MACROD2: variants seen among roughly 807,000 people sequenced by gnomAD.
MACROD2 encodes ADP-ribose glycohydrolase MACROD2.
MACROD2 carries 36 observed loss-of-function variants against 70.4 expected under a neutral mutation model. The observed-to-expected ratio is 0.51, with a 90% CI of 0.39 to 0.68. MACROD2 has a LOEUF of 0.68. Among genes scored for constraint, MACROD2 ranks in the 30% least tolerant of loss-of-function variants. The pLI, the probability that MACROD2 is intolerant of heterozygous loss-of-function variation, is 0.00. For missense variants in MACROD2, 496 were observed against 538.4 expected, an observed-to-expected ratio of 0.92 and a Z score of 0.78; for synonymous variants, 172 against 178.8, an observed-to-expected ratio of 0.96 and a Z score of 0.30.
At chr20:15,730,018 G>C (rs113116901) in intron 8 of MACROD2, among the ~76,000 whole-genome samples, 6 of 151,902 alleles carry the variant, frequency 3.9e-5, no homozygotes, top group African/African-American at 1.4e-4. Flanking sequence ...AGTAGAGATG[G>C]GGTTTCACCA....
intron 5 of MACROD2, among the ~76,000 whole-genome samples, chr20:15,033,244 A>G (rs1437748482): frequency 6.6e-6 from 1 of 152,222 alleles, no homozygotes; most frequent in East Asian, 1.9e-4. Context: ...ATATTTTACC[A>G]CAATTAAAAA....
At chr20:14,724,250 G>A (rs2071502855) in intron 5 of MACROD2, among the ~76,000 whole-genome samples, 1 of 152,036 alleles carries the variant, frequency 6.6e-6, no homozygotes, top group African/African-American at 2.4e-5. Context: ...TCTGGGGTAA[G>A]ACTGATTTGA....
At chr20:15,842,891 T>C (rs2064189510) in intron 8 of MACROD2, among the ~76,000 whole-genome samples, 1 of 152,192 alleles carries the variant, frequency 6.6e-6, no homozygotes, top group South Asian at 2.1e-4. Context: ...GTTGATAAGC[T>C]AGGTGATTAA....
At chr20:14,054,651 G>T (rs2053612503) in intron 2 of MACROD2, among the ~76,000 whole-genome samples, 2 of 152,250 alleles carry the variant, frequency 1.3e-5, no homozygotes, top group South Asian at 4.1e-4. Context: ...CTGGATGCAA[G>T]AAATTAGTGT....
chr20:15,091,144 A>G (rs1169313848), intron 5 of MACROD2, among the ~76,000 whole-genome samples: 2 of 152,092 alleles, frequency 1.3e-5, no homozygotes, highest in African/African-American at 4.8e-5. Flanking sequence ...AGTTATCTAC[A>G]GTACTAACAC....
At chr20:14,570,346 T>A (rs771092928) in intron 4 of MACROD2, among the ~76,000 whole-genome samples, 2 of 151,970 alleles carry the variant, frequency 1.3e-5, no homozygotes, top group Non-Finnish European at 2.9e-5. Context: ...GCATTATTGT[T>A]GGAGGGTGAG....
At chr20:14,838,160 G>T (rs1487698294) in intron 5 of MACROD2, among the ~76,000 whole-genome samples, 4 of 152,032 alleles carry the variant, frequency 2.6e-5, no homozygotes, top group Non-Finnish European at 4.4e-5. Context: ...GTGTATGTGG[G>T]TGTGTAATCA....
At chr20:15,895,164 A>G (rs548885345) in intron 10 of MACROD2, among the ~76,000 whole-genome samples, 1 of 152,186 alleles carries the variant, frequency 6.6e-6, no homozygotes, top group South Asian at 2.1e-4. Context: ...CTTCCAAGTT[A>G]CTCCTTCCAA....
At chr20:14,730,677 A>G (rs1476173922) in intron 5 of MACROD2, among the ~76,000 whole-genome samples, 1 of 152,172 alleles carries the variant, frequency 6.6e-6, no homozygotes, top group Non-Finnish European at 1.5e-5. Flanking sequence ...ATGAAAATAA[A>G]TAGCGAGAAA....
chr20:15,413,861 G>A (rs930984208), intron 6 of MACROD2, among the ~76,000 whole-genome samples: 24 of 152,098 alleles, frequency 1.6e-4, no homozygotes, highest in Non-Finnish European at 3.1e-4. Flanking sequence ...GACAAGAAAC[G>A]ATACCTTAGC....
chr20:15,179,088 A>G (rs2076482406), intron 5 of MACROD2, among the ~76,000 whole-genome samples: 1 of 152,214 alleles, frequency 6.6e-6, no homozygotes, highest in Non-Finnish European at 1.5e-5. Flanking sequence ...AGCTAATCAG[A>G]ATTTCACACA....
intron 5 of MACROD2, among the ~76,000 whole-genome samples, chr20:14,913,442 A>G (rs1232449189): frequency 6.6e-6 from 1 of 152,158 alleles, no homozygotes; most frequent in African/African-American, 2.4e-5. Flanking sequence ...ATCCCAACAC[A>G]TTGGAAAGCC....
At position 15,200,292 on chromosome 20, in the gene MACROD2, A is replaced by G. The variant is rs568619125; in HGVS notation, c.419-29648A>G. Among the ~76,000 whole-genome samples, 8 of 152,286 alleles carry G rather than the reference A, an allele frequency of 5.3e-5. No homozygotes were observed. The South Asian group carries it at 1.7e-3, about 32-fold the overall frequency. ...TCACATGCTACTTTGATGACTATATATTCAGTCACCTTCCTTTGGATTAAA... is the reference window on the plus strand; with the variant it reads ...TCACATGCTACTTTGATGACTATATGTTCAGTCACCTTCCTTTGGATTAAA... On this transcript the variant is annotated intron_variant, in intron 5 of 17. Transcript: ENST00000684519.
chr20:14,245,523 G>A (rs1329835052), intron 3 of MACROD2, among the ~76,000 whole-genome samples: 1 of 152,134 alleles, frequency 6.6e-6, no homozygotes, highest in African/African-American at 2.4e-5. Flanking sequence ...TAGTTAGTAA[G>A]CATTAAATCC....
Position 15,887,598 on chromosome 20 carries a change from C to A in MACROD2, c.775+1787C>A, listed in dbSNP as rs532514253. Among the ~76,000 whole-genome samples the A allele has an allele frequency of 5.3e-5, 8 of 152,230 alleles. No individual in the cohort carries two copies. In the South Asian group the frequency reaches 6.2e-4, roughly 12 times the overall value. On this transcript the variant is annotated intron_variant, in intron 10 of 17. Coordinates refer to ENST00000684519, the MANE Select transcript of MACROD2 (RefSeq NM_001351661.2). ...TAATTTCTCTGGAGCAGACCTCAACCAATAACAGACAGGAATTGGTTGGTT... is the reference window on the plus strand; with the variant it reads ...TAATTTCTCTGGAGCAGACCTCAACAAATAACAGACAGGAATTGGTTGGTT...
chr20:15,606,088 G>T (rs1242336108), intron 8 of MACROD2, among the ~76,000 whole-genome samples: 2 of 151,990 alleles, frequency 1.3e-5, no homozygotes, highest in Non-Finnish European at 2.9e-5. Context: ...TTGCTCTATT[G>T]CAAATGCTTC....
At chr20:14,147,164 A>G (rs2054953379) in intron 3 of MACROD2, among the ~76,000 whole-genome samples, 1 of 152,188 alleles carries the variant, frequency 6.6e-6, no homozygotes, top group Non-Finnish European at 1.5e-5. Context: ...TCACAGCAAC[A>G]CAATGCTGTA....
At chr20:15,417,477 A>G (rs182872200) in intron 6 of MACROD2, among the ~76,000 whole-genome samples, 297 of 151,562 alleles carry the variant, frequency 2.0e-3, no homozygotes, top group African/African-American at 6.8e-3. Context: ...GCGTGCCTGT[A>G]GTTCCCAACT....
intron 3 of MACROD2, among the ~76,000 whole-genome samples, chr20:14,387,852 C>T (rs2083485158): frequency 6.6e-6 from 1 of 152,174 alleles, no homozygotes; most frequent in Non-Finnish European, 1.5e-5. Context: ...ATAGTTTATT[C>T]TGACAGTTCT....
Sources: gnomAD v4.1 joint callset for allele counts (sites outside exome capture counted in the v4.1 genomes callset) on GRCh38, gnomAD v4.1.1 for gene constraint, MANE v1.5 for transcripts, NCBI Gene and HGNC (gene_info 2026-07-23, HGNC 2026-07-21) for gene names.